The following UGT1A10 variants were observed in gnomAD, a reference collection of about 807,000 sequenced individuals.
UGT1A10 encodes the protein UDP glucuronosyltransferase family 1 member A10.
Under a neutral mutation model 45.8 loss-of-function variants are expected in UGT1A10, and 49 were observed. The observed-to-expected ratio is 1.07, with a 90% CI of 0.85 to 1.36. UGT1A10 has a LOEUF of 1.36. Ranked by LOEUF, UGT1A10 falls within the 40% of genes most tolerant of loss-of-function variation. The pLI, the probability that UGT1A10 is intolerant of heterozygous loss-of-function variation, is 0.00. For missense variants in UGT1A10, 745 were observed against 668.6 expected (o/e 1.11, Z -1.26); for synonymous variants, 284 against 249.7 (o/e 1.14, Z -1.29).
intron 1 of UGT1A10, among the ~76,000 whole-genome samples, chr2:233,707,383 T>C (rs1304644263): frequency 6.6e-6 from 1 of 151,716 alleles, no homozygotes; most frequent in Non-Finnish European, 1.5e-5. Context: ...TCAGCATCCA[T>C]GAGCTATTCT....
chr2:233,673,035 C>G (rs886407428), intron 1 of UGT1A10, among the ~76,000 whole-genome samples: 7 of 152,044 alleles, frequency 4.6e-5, no homozygotes, highest in African/African-American at 1.7e-4. Context: ...TTTTAAGTAC[C>G]ATGTTTAGAA....
chr2:233,721,297 G>C (rs770095784), intron 1 of UGT1A10, among the ~76,000 whole-genome samples: 1 of 152,120 alleles, frequency 6.6e-6, no homozygotes, highest in Non-Finnish European at 1.5e-5. Flanking sequence ...GAAGGCATTT[G>C]AATAGTGATT....
intron 1 of UGT1A10, among the ~76,000 whole-genome samples, chr2:233,715,690 T>C (rs568505500): frequency 8.8e-4 from 134 of 152,264 alleles, no homozygotes; most frequent in African/African-American, 3.1e-3. Flanking sequence ...GAGGATCACT[T>C]GATCCCAGGA....
At position 233,698,386 on chromosome 2, in the gene UGT1A10, G is replaced by A. The variant is rs13393191; in HGVS notation, c.855+61009G>A. 5.5e-3 allele frequency among the ~76,000 whole-genome samples: 842 copies of A among 152,250 alleles called. 7 individuals are homozygous for A. Among genetic ancestry groups the A allele is most frequent in the African/African-American group, 0.019 (800 of 41,544 alleles). On this transcript the variant is annotated intron_variant, in intron 1 of 4. Coordinates refer to ENST00000344644, the MANE Select transcript of UGT1A10 (RefSeq NM_019075.4). ...ATGCCATGAAATTGTTCACTTTAGC[G>A]TGGTGAATTTTATGTGACTTCATCG...
chr2:233,724,284 G>A (rs1369103408), intron 1 of UGT1A10, among the ~76,000 whole-genome samples: 103 of 126,932 alleles, frequency 8.1e-4, no homozygotes, highest in Middle Eastern at 4.7e-3. Context: ...GGCCGGGCGG[G>A]GGGCTGACCC....
intron 1 of UGT1A10, among the ~76,000 whole-genome samples, chr2:233,744,247 T>C (rs1227654990): frequency 1.3e-5 from 2 of 151,818 alleles, no homozygotes; most frequent in Non-Finnish European, 2.9e-5. Flanking sequence ...TTTGGCTGCC[T>C]GAAGAACTGT....
chr2:233,665,153 C>T (rs774417656), intron 1 of UGT1A10, among the ~76,000 whole-genome samples: 2 of 152,126 alleles, frequency 1.3e-5, no homozygotes, highest in Non-Finnish European at 2.9e-5. Flanking sequence ...TTGCATTTTT[C>T]ATTTGCCAAT....
At chr2:233,752,692 C>T (rs973009345) in intron 1 of UGT1A10, 1 of 152,166 alleles carries the variant, frequency 6.6e-6, no homozygotes, top group African/African-American at 2.4e-5. Flanking sequence ...TTCATGTTTA[C>T]TAGTGGGGTA....
chr2:233,712,529 C>A (rs1162608950), intron 1 of UGT1A10, among the ~76,000 whole-genome samples: 3 of 152,310 alleles, frequency 2.0e-5, no homozygotes, highest in Middle Eastern at 3.4e-3. Flanking sequence ...TGCTGTGTTA[C>A]CCATATGTGG....
intron 1 of UGT1A10, chr2:233,729,623 C>A (rs142986334): frequency 6.2e-7 from 1 of 1,613,912 alleles, no homozygotes; most frequent in Non-Finnish European, 8.5e-7. Context: ...AAGTACCTGT[C>A]GATTCCTACT....
intron 1 of UGT1A10, among the ~76,000 whole-genome samples, chr2:233,748,555 G>A (rs1257442595): frequency 2.6e-5 from 4 of 151,888 alleles, no homozygotes; most frequent in South Asian, 2.1e-4. Flanking sequence ...CTAAGCACTC[G>A]CAGGAAGTAG....
intron 1 of UGT1A10, among the ~76,000 whole-genome samples, chr2:233,653,807 G>T (rs1206225279): frequency 6.6e-6 from 1 of 152,212 alleles, no homozygotes; most frequent in Non-Finnish European, 1.5e-5. Context: ...ATGTTGGCCA[G>T]GTTGGTCTTG....
chr2:233,719,446 A>G (rs765990866), intron 1 of UGT1A10: 48 of 1,613,862 alleles, frequency 3.0e-5, no homozygotes, highest in Non-Finnish European at 2.5e-5. Context: ...ACATTCCTGC[A>G]AAGGGTCAAG....
intron 1 of UGT1A10, among the ~76,000 whole-genome samples, chr2:233,736,326 T>A (rs2078751393): frequency 6.6e-6 from 1 of 152,232 alleles, no homozygotes; most frequent in South Asian, 2.1e-4. Flanking sequence ...TGTGCATGTG[T>A]TATGAAGTTC....
intron 1 of UGT1A10, among the ~76,000 whole-genome samples, chr2:233,676,404 C>T (rs1247227318): frequency 6.6e-6 from 1 of 152,186 alleles, no homozygotes; most frequent in Non-Finnish European, 1.5e-5. Flanking sequence ...TTCATCTACC[C>T]TGTGTCCAGT....
chr2:233,680,823 T>C (rs1329053042), intron 1 of UGT1A10, among the ~76,000 whole-genome samples: 2 of 152,102 alleles, frequency 1.3e-5, no homozygotes, highest in African/African-American at 4.8e-5. Flanking sequence ...CTGTTCAGAA[T>C]GCAGAAGCAG....
intron 1 of UGT1A10, among the ~76,000 whole-genome samples, chr2:233,710,923 AGTCTTTGTTTAG>A (rs905733031): frequency 6.6e-6 from 1 of 152,240 alleles, no homozygotes; most frequent in African/African-American, 2.4e-5. Flanking sequence ...TAGACCACTT[AGTCTTTGTTTAG>A]GTCTTTGTTT....
intron 4 of UGT1A10, chr2:233,771,337 C>A (rs949199935): frequency 6.6e-6 from 1 of 152,084 alleles, no homozygotes; most frequent in Non-Finnish European, 1.5e-5. Flanking sequence ...CCTCTTCATT[C>A]CTGTAGCACC....
rs2074360829 is a variant in UGT1A10, at chr2:233,676,441, CT to C, written c.855+39065del. The stretch of plus-strand genomic sequence containing the variant: ...TCCACCATTGTTAAATCTCATGTTT[CT>C]ATGGCACATCCATCACAACTCATTC... On this transcript the variant is annotated intron_variant, in intron 1 of 4. Transcript: ENST00000344644. 9.2e-5 allele frequency among the ~76,000 whole-genome samples: 14 copies of C among 152,324 alleles called. No individual in the cohort carries two copies. The South Asian group carries it at 2.9e-3, about 32-fold the overall frequency.
Sources: gnomAD v4.1 joint callset for allele counts (sites outside exome capture counted in the v4.1 genomes callset) on GRCh38, gnomAD v4.1.1 for gene constraint, MANE v1.5 for transcripts, NCBI Gene and HGNC (gene_info 2026-07-23, HGNC 2026-07-21) for gene names.